MSR1: variants seen among roughly 807,000 people sequenced by gnomAD.
MSR1 encodes the protein macrophage scavenger receptor types I and II.
In MSR1, 53 loss-of-function variants were observed where a neutral mutation model predicts 47.2. That is an observed-to-expected ratio of 1.12 (90% CI 0.90 to 1.41). The LOEUF is 1.41. MSR1 is among the 40% of genes most tolerant of loss of function. The pLI is 0.00. For missense variants in MSR1, 786 were observed against 546.9 expected (o/e 1.44, Z -4.36); for synonymous variants, 239 against 185.6 (o/e 1.29, Z -2.34).
chr8:16,174,135 G>A (rs1157706365), intron 3 of MSR1, among the ~76,000 whole-genome samples: 2 of 152,170 alleles, frequency 1.3e-5, no homozygotes, highest in African/African-American at 4.8e-5. Context: ...GAGGTTAATT[G>A]TAAGGGTGTA....
chr8:16,169,005 ATT>A, intron 3 of MSR1, 135 bp from the exon 4 acceptor site: 1 of 842,618 alleles, frequency 1.2e-6, no homozygotes, highest in Non-Finnish European at 1.8e-6. Context: ...TAAATCGAGT[ATT>A]TTTTTTTAAT....
At chr8:16,137,599 C>T (rs1321297275) in intron 8 of MSR1, among the ~76,000 whole-genome samples, 1 of 152,054 alleles carries the variant, frequency 6.6e-6, no homozygotes, top group Non-Finnish European at 1.5e-5. Flanking sequence ...AGTTTCTGTT[C>T]TTCCACTTAT....
At chr8:16,147,196 T>A (rs575453288) in intron 7 of MSR1, among the ~76,000 whole-genome samples, 1 of 152,120 alleles carries the variant, frequency 6.6e-6, no homozygotes, top group Admixed American at 6.5e-5. Context: ...ATATATCAGG[T>A]CTTATAAATG....
intron 9 of MSR1, 51 bp downstream of exon 9, chr8:16,120,367 A>C (rs745733597): frequency 6.3e-7 from 1 of 1,593,816 alleles, no homozygotes; most frequent in Admixed American, 1.7e-5. Flanking sequence ...ACAGAATGAG[A>C]CTCTGTCTGA....
At chr8:16,188,993 T>G in intron 1 of MSR1, among the ~76,000 whole-genome samples, 1 of 141,292 alleles carries the variant, frequency 7.1e-6, no homozygotes, top group East Asian at 2.3e-4. Flanking sequence ...TATATATATA[T>G]ATATAAAACA....
Position 16,168,446 on chromosome 8 carries a change from A to G in MSR1, c.630+12T>C. The G allele has an allele frequency of 2.5e-6, 4 of 1,613,970 alleles. No individual in the cohort carries two copies. Among genetic ancestry groups the G allele is most frequent in the Non-Finnish European group, 3.4e-6 (4 of 1,179,926 alleles). On this transcript the variant is annotated intron_variant, in intron 4 of 9. Coordinates refer to ENST00000262101, the MANE Select transcript of MSR1 (RefSeq NM_138715.3). ...GTTCCAGCAAGTGACCTTGCAGTCC[A>G]CAAACTCTTACCTCTTGTTGTTTGA... is the stretch of plus-strand genomic sequence containing the variant.
chr8:16,136,576 AT>A (rs905190179), intron 8 of MSR1, among the ~76,000 whole-genome samples: 4 of 151,896 alleles, frequency 2.6e-5, no homozygotes, highest in Admixed American at 2.6e-4. Context: ...TATACACTCT[AT>A]TAAGGAACAC....
intron 3 of MSR1, among the ~76,000 whole-genome samples, chr8:16,174,923 T>A (rs2117200813): frequency 6.6e-6 from 1 of 152,322 alleles, no homozygotes; most frequent in African/African-American, 2.4e-5. Flanking sequence ...AGCGTCCTTT[T>A]CATTTTACTA....
intron 8 of MSR1, among the ~76,000 whole-genome samples, chr8:16,128,820 G>A (rs992820266): frequency 6.6e-6 from 1 of 151,122 alleles, no homozygotes; most frequent in Non-Finnish European, 1.5e-5. Flanking sequence ...TTTAAAAGCT[G>A]ATTTTTATTC....
intron 3 of MSR1, among the ~76,000 whole-genome samples, chr8:16,173,555 G>A (rs1165573421): frequency 6.6e-6 from 1 of 152,198 alleles, no homozygotes; most frequent in Non-Finnish European, 1.5e-5. Context: ...TTGGTTGGTT[G>A]TTATGGTTGG....
At chr8:16,172,513 C>T (rs1801514810) in intron 3 of MSR1, among the ~76,000 whole-genome samples, 1 of 152,094 alleles carries the variant, frequency 6.6e-6, no homozygotes. Flanking sequence ...TTCTGTTTCA[C>T]ATATGAAAGG....
intron 8 of MSR1, among the ~76,000 whole-genome samples, chr8:16,122,913 C>G (rs756454375): frequency 2.1e-5 from 3 of 141,586 alleles, no homozygotes; most frequent in African/African-American, 7.9e-5. Context: ...GGCGCGATCT[C>G]GGCTCACTGC....
intron 5 of MSR1, among the ~76,000 whole-genome samples, chr8:16,160,556 G>A (rs1801132795): frequency 6.6e-6 from 1 of 151,952 alleles, no homozygotes; most frequent in African/African-American, 2.4e-5. Context: ...GTAAGCAAAT[G>A]TAGAGATGAC....
rs1406845798 is a variant in MSR1, at chr8:16,108,622, G to A, written c.*1463C>T. On this transcript the variant is annotated 3_prime_UTR_variant, in exon 10 of 10. Coordinates refer to ENST00000262101, the MANE Select transcript of MSR1 (RefSeq NM_138715.3). Reference sequence around the variant, plus strand: ...GTTTGAGACAGAAAGTGTACATTCAGAATTCATTCTCTTAACCACAAAATT... The same window carrying A: ...GTTTGAGACAGAAAGTGTACATTCAAAATTCATTCTCTTAACCACAAAATT... 6.6e-6 allele frequency: 1 copy of A among 152,086 alleles called. No individual in the cohort carries two copies. Among genetic ancestry groups the A allele is most frequent in the African/African-American group, 2.4e-5 (1 of 41,412 alleles). 9.4% of individuals were successfully genotyped at this position (152,086 alleles called of 1,614,324 possible).
intron 8 of MSR1, chr8:16,139,959 T>C (rs777787019): frequency 4.8e-6 from 2 of 416,000 alleles, no homozygotes; most frequent in Non-Finnish European, 3.2e-6. Context: ...ATAGCTTAGA[T>C]GTATTGTAAT....
rs116574663 is a variant in MSR1, at chr8:16,122,396, T to A, written c.1034-1790A>T. 3.2e-3 allele frequency among the ~76,000 whole-genome samples: 487 copies of A among 152,232 alleles called. 7 individuals carry two copies. Among genetic ancestry groups the A allele is most frequent in the African/African-American group, 0.01 (430 of 41,564 alleles). ...TGTTTATTTTTATACAAGTCAAATA[T>A]ATCCAAACATAATATATTTATCATG... On this transcript the variant is annotated intron_variant, in intron 8 of 9. Coordinates refer to ENST00000262101, the MANE Select transcript of MSR1 (RefSeq NM_138715.3).
chr8:16,186,019 A>T (rs1801987799), intron 1 of MSR1: 3 of 709,968 alleles, frequency 4.2e-6, no homozygotes. Flanking sequence ...GGCCTGCAAG[A>T]AATCCATAAC....
intron 7 of MSR1, among the ~76,000 whole-genome samples, chr8:16,146,055 C>G (rs1305657831): frequency 6.6e-6 from 1 of 152,048 alleles, no homozygotes; most frequent in African/African-American, 2.4e-5. Flanking sequence ...ATCATGATTT[C>G]AAGCATTTTT....
chr8:16,161,177 A>T, intron 5 of MSR1, among the ~76,000 whole-genome samples: 1 of 151,858 alleles, frequency 6.6e-6, no homozygotes, highest in Non-Finnish European at 1.5e-5. Context: ...GTTTGGTTTG[A>T]GATATTGTAT....
Sources: allele counts gnomAD v4.1 joint callset (sites outside exome capture counted in the v4.1 genomes callset), GRCh38; gene constraint gnomAD v4.1.1; transcripts MANE v1.5; gene names NCBI Gene and HGNC (gene_info 2026-07-23, HGNC 2026-07-21).